STXBP6: variants seen among roughly 807,000 people sequenced by gnomAD.
STXBP6 encodes syntaxin-binding protein 6.
In STXBP6, 21 loss-of-function variants were observed where a neutral mutation model predicts 26.9. The observed-to-expected ratio is 0.78, with a 90% CI of 0.55 to 1.12. STXBP6 has a LOEUF of 1.12. Ranked by LOEUF, STXBP6 falls within the 50% of genes most tolerant of loss-of-function variation. The probability of loss-of-function intolerance (pLI) is 0.00; values close to 1 mark genes in which losing one functional copy is unlikely to be tolerated. For missense variants in STXBP6, 232 were observed against 257.9 expected, an observed-to-expected ratio of 0.90 and a Z score of 0.69; for synonymous variants, 97 against 92.6, an observed-to-expected ratio of 1.05 and a Z score of -0.27.
chr14:24,842,710 T>G (rs567651988), intron 4 of STXBP6, among the ~76,000 whole-genome samples: 11 of 152,154 alleles, frequency 7.2e-5, no homozygotes, highest in Non-Finnish European at 1.5e-4. Context: ...TATGCCTTAC[T>G]GACAGACTTT....
chr14:24,834,630 AT>A (rs2068556505), intron 4 of STXBP6, among the ~76,000 whole-genome samples: 1 of 152,172 alleles, frequency 6.6e-6, no homozygotes, highest in Non-Finnish European at 1.5e-5. Flanking sequence ...AACAATGATG[AT>A]TTGGTTGGGG....
chr14:24,865,908 C>G (rs562235780), intron 2 of STXBP6, among the ~76,000 whole-genome samples: 1 of 151,972 alleles, frequency 6.6e-6, no homozygotes, highest in African/African-American at 2.4e-5. Context: ...GTGTATTACT[C>G]GAAGGTAGAG....
chr14:25,007,759 AG>A (rs1221894897), intron 1 of STXBP6, among the ~76,000 whole-genome samples: 3 of 152,226 alleles, frequency 2.0e-5, no homozygotes, highest in African/African-American at 7.2e-5. Flanking sequence ...TTGGAATCAC[AG>A]AAGAAATTAT....
At chr14:24,958,432 A>T (rs890644239) in intron 2 of STXBP6, among the ~76,000 whole-genome samples, 2 of 152,164 alleles carry the variant, frequency 1.3e-5, no homozygotes, top group African/African-American at 4.8e-5. Context: ...GGGGAAGAAG[A>T]TTCCTTTCTT....
rs184321282 is a variant in STXBP6, at chr14:24,837,745, T to C, written c.451+18191A>G. 7.0e-4 allele frequency among the ~76,000 whole-genome samples: 106 copies of C among 152,306 alleles called. 2 individuals carry two copies. In the East Asian group the frequency reaches 0.019, roughly 27 times the overall value. On this transcript the variant is annotated intron_variant, in intron 4 of 5. Transcript: ENST00000323944. ...ATAAATAGGGCATATAATACTACTA[T>C]TAATTAAAAGGGTCTAAGATACAGC...
intron 2 of STXBP6, among the ~76,000 whole-genome samples, chr14:24,911,375 A>AAGAG (rs138490421): frequency 1.7e-4 from 25 of 148,552 alleles, no homozygotes; most frequent in African/African-American, 5.7e-4. Context: ...GGAAAGAAAG[A>AAGAG]AGAGAGAGAG....
Position 24,974,775 on chromosome 14 carries a change from A to T in STXBP6, c.44T>A (p.Leu15His), listed in dbSNP as rs2073999126. The change falls in exon 2 of 6, where the codon CTT (leucine) becomes CAT (histidine). Residue 15 changes from leucine (L) to histidine (H), a missense_variant. Physicochemically the swap from Leu to His is moderately conservative, Grantham distance 99. Transcript: ENST00000323944. Reference sequence around the variant, plus strand: ...GACAGCTCCCAGCATCCTTTCATCAAGAGGTGCAAAAATTTCCTTGCTGAT... The same window carrying T: ...GACAGCTCCCAGCATCCTTTCATCATGAGGTGCAAAAATTTCCTTGCTGAT... ...SAISKEIFAP[L>H]DERMLGAVQV... 6.2e-7 allele frequency: 1 copy of T among 1,608,342 alleles called. No homozygotes were observed. Among genetic ancestry groups the T allele is most frequent in the Non-Finnish European group, 8.5e-7 (1 of 1,176,966 alleles).
intron 2 of STXBP6, among the ~76,000 whole-genome samples, chr14:24,893,084 C>A (rs1174855111): frequency 6.6e-6 from 1 of 152,182 alleles, no homozygotes; most frequent in Non-Finnish European, 1.5e-5. Context: ...CCACTGTTTT[C>A]TAGGTGAGCT....
intron 2 of STXBP6, among the ~76,000 whole-genome samples, chr14:24,883,451 A>G (rs2070450414): frequency 6.6e-6 from 1 of 152,226 alleles, no homozygotes; most frequent in African/African-American, 2.4e-5. Context: ...TACCACTATT[A>G]CTTTGGTAAT....
intron 1 of STXBP6, among the ~76,000 whole-genome samples, chr14:25,006,089 T>C (rs1206793079): frequency 6.6e-6 from 1 of 152,234 alleles, no homozygotes; most frequent in East Asian, 1.9e-4. Flanking sequence ...GACTTCTCTA[T>C]AATGGCTCAA....
intron 1 of STXBP6, among the ~76,000 whole-genome samples, chr14:25,014,734 G>A (rs994523810): frequency 2.6e-5 from 4 of 152,164 alleles, no homozygotes; most frequent in African/African-American, 9.7e-5. Context: ...CTCCAACAAA[G>A]CAGAGAACAA....
At chr14:24,927,026 A>G (rs1045462278) in intron 2 of STXBP6, among the ~76,000 whole-genome samples, 7 of 152,198 alleles carry the variant, frequency 4.6e-5, no homozygotes, top group Non-Finnish European at 8.8e-5. Context: ...ATTTTAGTGG[A>G]CGCAAACAAG....
chr14:24,822,080 G>C (rs1269680296), intron 4 of STXBP6, among the ~76,000 whole-genome samples: 1 of 152,006 alleles, frequency 6.6e-6, no homozygotes. Context: ...AGGCCCATAG[G>C]TTTTCTTATG....
At position 25,049,352 on chromosome 14, in the gene STXBP6, C is replaced by T; in HGVS notation, c.-33+526G>A. The T allele has an allele frequency of 8.1e-6, 8 of 985,420 alleles. No individual in the cohort carries two copies. The highest frequency in any genetic ancestry group is 9.6e-6 in the Non-Finnish European group (8 of 829,934). 61.0% of individuals were successfully genotyped at this position (985,420 alleles called of 1,614,324 possible). ...GGGCCAGCGCCCTGGGGGCAGGGTG[C>T]CGTGCCCGCCAGAAAAGCTCGCCTC... On this transcript the variant is annotated intron_variant, in intron 1 of 5. Transcript: ENST00000323944. This position sits in a 1 kb window ranked among gnomAD's most constrained non-coding sequence, Gnocchi z 5.6.
intron 2 of STXBP6, among the ~76,000 whole-genome samples, chr14:24,858,669 C>CT (rs2069426578): frequency 6.6e-6 from 1 of 152,100 alleles, no homozygotes. Context: ...GCCCAGGACT[C>CT]TGTCTATCCA....
chr14:24,819,131 G>A lies in STXBP6; in HGVS notation c.515C>T (p.Ala172Val). ...VTSAVQKASQ[A>V]LNERGERLGR... ...TAATCGCTCTCCACGCTCATTCAAG[G>A]CCTGGCTTGCCTTCTGCACTGCGCT... Residue 172 changes from alanine to valine, a missense_variant, in exon 5 of 6, where the codon GCC becomes GTC. Ala to Val is a moderately conservative substitution (Grantham distance 64). Coordinates refer to ENST00000323944, the MANE Select transcript of STXBP6 (RefSeq NM_001394410.1). 1 of 1,614,078 alleles carries A rather than the reference G, an allele frequency of 6.2e-7. No individual in the cohort carries two copies. Among genetic ancestry groups the A allele is most frequent in the Non-Finnish European group, 8.5e-7 (1 of 1,179,998 alleles).
At chr14:25,036,855 CAAAA>C (rs549439602) in intron 1 of STXBP6, among the ~76,000 whole-genome samples, 3 of 62,310 alleles carry the variant, frequency 4.8e-5, no homozygotes, top group African/African-American at 5.4e-5. Context: ...GACTCCGTCT[CAAAA>C]AAAAAAAAAA....
rs529141242 is a variant in STXBP6 at position 25,041,165 on chromosome 14, A to G, written c.-33+8713T>C. On this transcript the variant is annotated intron_variant, in intron 1 of 5. Coordinates refer to ENST00000323944, the MANE Select transcript of STXBP6 (RefSeq NM_001394410.1). ...GTGAAACCCAGTCTCTACTAAAAAT[A>G]CAAAAAATTAGTGGGCAGTGGTGGT... 7.2e-5 allele frequency among the ~76,000 whole-genome samples: 11 copies of G among 152,152 alleles called. No homozygotes were observed. In the South Asian group the frequency reaches 2.1e-3, roughly 29 times the overall value.
intron 1 of STXBP6, among the ~76,000 whole-genome samples, chr14:24,988,988 G>A (rs2074400254): frequency 6.6e-6 from 1 of 152,100 alleles, no homozygotes. Context: ...CAGGCCTGAG[G>A]TTACAAACGG....
Sources: allele counts gnomAD v4.1 joint callset (sites outside exome capture counted in the v4.1 genomes callset), GRCh38; gene constraint gnomAD v4.1.1; non-coding constraint Gnocchi (gnomAD v3.1); transcripts MANE v1.5; gene names NCBI Gene and HGNC (gene_info 2026-07-23, HGNC 2026-07-21).